GABRB1: variants seen among roughly 807,000 people sequenced by gnomAD.
GABRB1 encodes the protein gamma-aminobutyric acid receptor subunit beta-1.
GABRB1 carries 17 observed loss-of-function variants against 51.6 expected under a neutral mutation model. The ratio of observed to expected loss-of-function variants is 0.33; its 90% CI spans 0.23 to 0.49. The LOEUF (loss-of-function observed/expected upper bound fraction) is 0.49, where lower values mean the gene tolerates loss of function less well. Ranked by LOEUF, GABRB1 falls within the 20% of genes least tolerant of loss-of-function variation. The pLI is 0.99. For missense variants in GABRB1, 410 were observed against 600.6 expected (o/e 0.68, Z 3.32); for synonymous variants, 247 against 218.9 (o/e 1.13, Z -1.14).
intron 3 of GABRB1, among the ~76,000 whole-genome samples, chr4:47,085,445 C>T (rs1358319656): frequency 4.6e-5 from 7 of 152,142 alleles, no homozygotes; most frequent in African/African-American, 1.7e-4. Context: ...ATTGAAGCAA[C>T]ACTTAATTTC....
intron 4 of GABRB1, among the ~76,000 whole-genome samples, chr4:47,293,956 T>G (rs1032268955): frequency 6.6e-6 from 1 of 152,210 alleles, no homozygotes; most frequent in Non-Finnish European, 1.5e-5. Context: ...TATATATTCT[T>G]TTAACATCTT....
chr4:47,124,976 C>A (rs1208671285), intron 3 of GABRB1, among the ~76,000 whole-genome samples: 1 of 152,030 alleles, frequency 6.6e-6, no homozygotes, highest in Non-Finnish European at 1.5e-5. Context: ...CATCTAAAGC[C>A]ATGAAGCTTA....
At chr4:47,212,994 A>G (rs981410960) in intron 4 of GABRB1, among the ~76,000 whole-genome samples, 6 of 152,178 alleles carry the variant, frequency 3.9e-5, no homozygotes, top group Non-Finnish European at 7.3e-5. Context: ...CACGACATAC[A>G]TGGATGCCAT....
intron 4 of GABRB1, among the ~76,000 whole-genome samples, chr4:47,222,239 G>A (rs918216191): frequency 2.6e-5 from 4 of 152,086 alleles, no homozygotes; most frequent in Middle Eastern, 3.4e-3. Context: ...TTTTATTTTG[G>A]GGTTACAAAT....
intron 3 of GABRB1, among the ~76,000 whole-genome samples, chr4:47,077,994 A>T (rs1198758048): frequency 5.0e-5 from 5 of 100,780 alleles, no homozygotes; most frequent in African/African-American, 1.6e-4. Flanking sequence ...ATAATATATA[A>T]TATATATATA....
At chr4:47,083,771 C>T (rs2109572544) in intron 3 of GABRB1, among the ~76,000 whole-genome samples, 1 of 152,198 alleles carries the variant, frequency 6.6e-6, no homozygotes, top group Non-Finnish European at 1.5e-5. Context: ...GAATGTTACC[C>T]CTATTTACAT....
chr4:47,368,429 A>G (rs1183281943), intron 5 of GABRB1, among the ~76,000 whole-genome samples: 1 of 152,134 alleles, frequency 6.6e-6, no homozygotes, highest in African/African-American at 2.4e-5. Context: ...TTGTCATAAC[A>G]GGGGAGGGGA....
intron 5 of GABRB1, among the ~76,000 whole-genome samples, chr4:47,385,072 A>C (rs1727740241): frequency 6.6e-6 from 1 of 152,204 alleles, no homozygotes; most frequent in African/African-American, 2.4e-5. Context: ...TTTGCCTACA[A>C]CCAAACAAAT....
chr4:47,141,825 T>G (rs1175884118), intron 3 of GABRB1, among the ~76,000 whole-genome samples: 1 of 151,990 alleles, frequency 6.6e-6, no homozygotes, highest in Non-Finnish European at 1.5e-5. Context: ...TTCAAGAATT[T>G]GTGTTAACAA....
At chr4:47,114,120 T>C (rs1171891475) in intron 3 of GABRB1, among the ~76,000 whole-genome samples, 2 of 152,236 alleles carry the variant, frequency 1.3e-5, no homozygotes, top group Non-Finnish European at 2.9e-5. Context: ...CCCACCAGAA[T>C]CATGCGTTAT....
chr4:47,142,795 T>C (rs976023733), intron 3 of GABRB1, among the ~76,000 whole-genome samples: 1 of 151,852 alleles, frequency 6.6e-6, no homozygotes, highest in Admixed American at 6.6e-5. Context: ...TCAAGGAAGA[T>C]ACCCAAGTGA....
intron 7 of GABRB1, 111 bp from the exon 8 acceptor site, chr4:47,406,571 A>G (rs1253320722): frequency 2.3e-6 from 3 of 1,327,624 alleles, no homozygotes; most frequent in Non-Finnish European, 3.2e-6. Flanking sequence ...TGCTACTGTG[A>G]TCACTCAGGG....
At chr4:47,395,425 A>G (rs1728147155) in intron 5 of GABRB1, among the ~76,000 whole-genome samples, 1 of 152,168 alleles carries the variant, frequency 6.6e-6, no homozygotes, top group African/African-American at 2.4e-5. Flanking sequence ...GAGAACAGCA[A>G]GGGGAAAATC....
chr4:47,377,167 G>A (rs951968469), intron 5 of GABRB1, among the ~76,000 whole-genome samples: 1 of 152,152 alleles, frequency 6.6e-6, no homozygotes, highest in African/African-American at 2.4e-5. Context: ...TTTTGAGACG[G>A]AGTTTTGCTC....
chr4:47,124,036 G>GA (rs201175241), intron 3 of GABRB1, among the ~76,000 whole-genome samples: 1 of 138,240 alleles, frequency 7.2e-6, no homozygotes, highest in Non-Finnish European at 1.5e-5. Flanking sequence ...ATATATACCT[G>GA]AAAAAAATAT....
intron 4 of GABRB1, among the ~76,000 whole-genome samples, chr4:47,198,789 C>A (rs1367927884): frequency 1.3e-5 from 2 of 152,136 alleles, no homozygotes; most frequent in East Asian, 1.9e-4. Flanking sequence ...AAGAAAGAGG[C>A]TTGATTGACT....
At chr4:47,346,799 T>C (rs1726112379) in intron 5 of GABRB1, among the ~76,000 whole-genome samples, 1 of 152,222 alleles carries the variant, frequency 6.6e-6, no homozygotes, top group African/African-American at 2.4e-5. Context: ...ACAGTGAATT[T>C]CTTACTAGTC....
chr4:47,151,187 A>C (rs1267895898), intron 3 of GABRB1, among the ~76,000 whole-genome samples: 2 of 151,956 alleles, frequency 1.3e-5, no homozygotes, highest in East Asian at 3.9e-4. Flanking sequence ...AGGTAACTAA[A>C]AGTTCTAAGG....
At chr4:47,332,117 G>T (rs984330372) in intron 5 of GABRB1, among the ~76,000 whole-genome samples, 1 of 152,148 alleles carries the variant, frequency 6.6e-6, no homozygotes, top group Admixed American at 6.6e-5. Context: ...TTCTTAAGTA[G>T]GCTTTATTTT....
Sources: gnomAD v4.1 joint callset for allele counts (sites outside exome capture counted in the v4.1 genomes callset) on GRCh38, gnomAD v4.1.1 for gene constraint, MANE v1.5 for transcripts, NCBI Gene and HGNC (gene_info 2026-07-23, HGNC 2026-07-21) for gene names.